Variants in ASXL2 observed in about 807,000 individuals in gnomAD.
ASXL2 encodes putative Polycomb group protein ASXL2.
In ASXL2, 23 loss-of-function variants were observed where a neutral mutation model predicts 122.0. The ratio of observed to expected loss-of-function variants is 0.19; its 90% CI spans 0.14 to 0.27. The LOEUF (loss-of-function observed/expected upper bound fraction) is 0.27. Ranked by LOEUF, ASXL2 falls within the 10% of genes least tolerant of loss-of-function variation. The pLI, the probability that ASXL2 is intolerant of heterozygous loss-of-function variation, is 1.00. For missense variants in ASXL2, 1,518 were observed against 1,713.8 expected (o/e 0.89, Z 2.02); for synonymous variants, 650 against 637.0 (o/e 1.02, Z -0.31).
chr2:25,781,596 A>C, intron 5 of ASXL2, among the ~76,000 whole-genome samples: 2 of 141,860 alleles, frequency 1.4e-5, no homozygotes, highest in African/African-American at 5.3e-5. Flanking sequence ...TCACTCTGTC[A>C]CCCAGCCTTG....
chr2:25,743,114 G>C lies in ASXL2; in HGVS notation c.3223C>G (p.Arg1075Gly), dbSNP rs200946888. The C allele has an allele frequency of 6.2e-7, 1 of 1,613,966 alleles. No homozygotes were observed. Among genetic ancestry groups the C allele is most frequent in the East Asian group, 2.2e-5 (1 of 44,882 alleles). Reference sequence around the variant, plus strand: ...ACAACTGAGAGAAGATTCTGCCTCCGAACCCTCTGAATGAGAGTCTGAAGG... The same window carrying C: ...ACAACTGAGAGAAGATTCTGCCTCCCAACCCTCTGAATGAGAGTCTGAAGG... ...QILQTLIQRV[R>G]RQNLLSVVPP... is the part of the protein sequence containing the mutation. Residue 1075 changes from arginine (R) to glycine (G), a missense_variant, in exon 13 of 13, where the codon CGG (arginine) becomes GGG (glycine). Physicochemically the swap from Arg to Gly is moderately radical, Grantham distance 125. Transcript: ENST00000435504.
At chr2:25,849,109 TCACAGTTTCC>T (rs2089687612) in intron 1 of ASXL2, among the ~76,000 whole-genome samples, 1 of 131,584 alleles carries the variant, frequency 7.6e-6, no homozygotes, top group African/African-American at 2.9e-5. Flanking sequence ...AAAATGTTTA[TCACAGTTTCC>T]TTTAAATGCT....
At chr2:25,748,231 G>A (rs1216117461) in intron 12 of ASXL2, among the ~76,000 whole-genome samples, 1 of 151,304 alleles carries the variant, frequency 6.6e-6, no homozygotes. Flanking sequence ...ACAGACGGTG[G>A]CCCACGCCTG....
chr2:25,852,633 T>C (rs2089729851), intron 1 of ASXL2, among the ~76,000 whole-genome samples: 1 of 152,100 alleles, frequency 6.6e-6, no homozygotes, highest in African/African-American at 2.4e-5. Context: ...TGAGAAGAGA[T>C]GAGGGCTTCT....
chr2:25,822,326 T>TGCC (rs1373557978), intron 3 of ASXL2: 5 of 166,634 alleles, frequency 3.0e-5, no homozygotes, highest in African/African-American at 9.6e-5. Flanking sequence ...AGCCCGCCGC[T>TGCC]GCCGCCATCG....
chr2:25,750,431 GA>G lies in ASXL2; in HGVS notation c.1143-19del, dbSNP rs1226117617. The G allele has an allele frequency of 7.1e-6, 11 of 1,555,772 alleles. No individual in the cohort carries two copies. The highest frequency in any genetic ancestry group is 9.5e-6 in the Non-Finnish European group (11 of 1,156,196). On this transcript the variant is annotated intron_variant, in intron 11 of 12. Transcript: ENST00000435504. ...GGCCAGAACTAAAAAGGGGAAAAAA[GA>G]AATATTCCAGTTGAAAAATAGCCCA...
intron 1 of ASXL2, among the ~76,000 whole-genome samples, chr2:25,851,896 C>T (rs1375589199): frequency 6.6e-6 from 1 of 151,280 alleles, no homozygotes; most frequent in Admixed American, 6.6e-5. Context: ...GCCTCCCCCA[C>T]CAAAAAAAGA....
At position 25,741,450 on chromosome 2, in the gene ASXL2, C is replaced by T. The variant is rs549775642; in HGVS notation, c.*579G>A. ...CACTACCTGTGAAATGAATTCCTTA[C>T]CAAAAATTTCAATTTAAGAAGATTC... is the stretch of plus-strand genomic sequence containing the variant. On this transcript the variant is annotated 3_prime_UTR_variant, in exon 13 of 13. Coordinates refer to ENST00000435504, the MANE Select transcript of ASXL2 (RefSeq NM_018263.6). 4.3e-6 allele frequency: 1 copy of T among 229,962 alleles called. No homozygotes were observed. The highest frequency in any genetic ancestry group is 2.2e-5 in the African/African-American group (1 of 45,190). 14.2% of individuals were successfully genotyped at this position (229,962 alleles called of 1,614,324 possible).
intron 5 of ASXL2, among the ~76,000 whole-genome samples, chr2:25,777,731 C>T (rs776984980): frequency 2.6e-5 from 4 of 152,040 alleles, no homozygotes; most frequent in Non-Finnish European, 5.9e-5. Flanking sequence ...CTTCTATGTG[C>T]CTAACACTGT....
At chr2:25,855,365 G>A (rs2089764367) in intron 1 of ASXL2, among the ~76,000 whole-genome samples, 1 of 152,122 alleles carries the variant, frequency 6.6e-6, no homozygotes, top group Non-Finnish European at 1.5e-5. Flanking sequence ...GGGAAACATG[G>A]TGAAACTCTA....
At chr2:25,792,072 CT>C (rs1348261073) in intron 5 of ASXL2, among the ~76,000 whole-genome samples, 5 of 152,224 alleles carry the variant, frequency 3.3e-5, no homozygotes, top group African/African-American at 1.2e-4. Flanking sequence ...TTATAGAACA[CT>C]GTAGCCTTGA....
chr2:25,738,160 T>A lies in ASXL2; in HGVS notation c.*3869A>T, dbSNP rs148589307. ...ATGAGAAATTCAAAGTCTTCCACTG[T>A]CACTTTTTACAGATATTAAAATATA... On this transcript the variant is annotated 3_prime_UTR_variant, in exon 13 of 13. Transcript: ENST00000435504. 1 of 152,304 alleles carries A rather than the reference T, an allele frequency of 6.6e-6. No homozygotes were observed. The highest frequency in any genetic ancestry group is 2.4e-5 in the African/African-American group (1 of 41,568). 9.4% of individuals were successfully genotyped at this position (152,304 alleles called of 1,614,324 possible).
At chr2:25,864,679 A>C (rs2089878990) in intron 1 of ASXL2, among the ~76,000 whole-genome samples, 1 of 152,046 alleles carries the variant, frequency 6.6e-6, no homozygotes, top group African/African-American at 2.4e-5. Flanking sequence ...TAAAAAAAAA[A>C]ATTCTCAGGG....
chr2:25,861,357 T>C (rs2089841799), intron 1 of ASXL2, among the ~76,000 whole-genome samples: 1 of 152,084 alleles, frequency 6.6e-6, no homozygotes, highest in East Asian at 1.9e-4. Flanking sequence ...ACATACTTAA[T>C]AACACAGAAG....
Position 25,773,477 on chromosome 2 carries a change from A to G in ASXL2, c.404-1937T>C, listed in dbSNP as rs964940072. ...TCAGGAGATTGAGACCATCCTGGCT[A>G]ACACGGTGAAACCCCATCTCTACTA... is the stretch of plus-strand genomic sequence containing the variant. On this transcript the variant is annotated intron_variant, in intron 5 of 12. Coordinates refer to ENST00000435504, the MANE Select transcript of ASXL2 (RefSeq NM_018263.6). Among the ~76,000 whole-genome samples, 44 of 151,938 alleles carry G rather than the reference A, an allele frequency of 2.9e-4. 1 individual carries two copies. Among genetic ancestry groups the G allele is most frequent in the Non-Finnish European group, 8.8e-5 (6 of 67,988 alleles).
chr2:25,830,625 C>CAAAAAAAAAAAA (rs755161150), intron 3 of ASXL2, among the ~76,000 whole-genome samples: 1 of 81,668 alleles, frequency 1.2e-5, no homozygotes, highest in Non-Finnish European at 2.7e-5. Context: ...GACTCTGCCT[C>CAAAAAAAAAAAA]AAAAAAAAAA....
At chr2:25,796,869 C>G (rs2088918377) in intron 5 of ASXL2, among the ~76,000 whole-genome samples, 1 of 152,090 alleles carries the variant, frequency 6.6e-6, no homozygotes, top group African/African-American at 2.4e-5. Flanking sequence ...AATTAAATTC[C>G]TAACTAGAAC....
intron 3 of ASXL2, among the ~76,000 whole-genome samples, chr2:25,820,873 A>C (rs932885394): frequency 6.6e-6 from 1 of 152,104 alleles, no homozygotes; most frequent in Non-Finnish European, 1.5e-5. Flanking sequence ...AAATGTAAAA[A>C]TTAAGAAATC....
intron 2 of ASXL2, among the ~76,000 whole-genome samples, chr2:25,842,539 T>G (rs1276416018): frequency 6.6e-6 from 1 of 152,070 alleles, no homozygotes; most frequent in East Asian, 1.9e-4. Context: ...TCCCAGAGCC[T>G]TACTATGTTA....
Sources: gnomAD v4.1 joint callset for allele counts (sites outside exome capture counted in the v4.1 genomes callset) on GRCh38, gnomAD v4.1.1 for gene constraint, MANE v1.5 for transcripts, NCBI Gene and HGNC (gene_info 2026-07-23, HGNC 2026-07-21) for gene names.